Variants in NBPF19 observed in about 807,000 individuals in gnomAD.
The protein encoded by NBPF19 is NBPF member 19, also known as NBPF family member NBPF19.
A neutral mutation model predicts 45.9 loss-of-function variants in NBPF19; 30 were observed. The observed-to-expected ratio is 0.65, with a 90% CI of 0.49 to 0.89. The LOEUF (loss-of-function observed/expected upper bound fraction) is 0.89, where lower values mean the gene tolerates loss of function less well. Ranked by LOEUF, NBPF19 falls within the 40% of genes least tolerant of loss-of-function variation. NBPF19 has a pLI of 0.00. For synonymous variants in NBPF19, 183 were observed against 181.2 expected (o/e 1.01, Z -0.08); for missense variants, 495 against 471.8 (o/e 1.05, Z -0.46).
At position 149,487,879 on chromosome 1, in the gene NBPF19, T is replaced by C. The variant is rs1356173359; in HGVS notation, c.1041-134T>C. The C allele has an allele frequency of 8.0e-5, 57 of 713,672 alleles. 3 individuals are homozygous for C. The Middle Eastern group carries it at 2.3e-3, about 29-fold the overall frequency. The allele number at this position is 713,672 out of a possible 1,614,324, so 44.2% of individuals were successfully genotyped here. A position where few individuals can be genotyped will look rare whatever the true frequency, so the allele number is the denominator to read the frequency against. ...CTAGTCTATCCCAACATAAAGGCAA[T>C]AATTTGTTACCTCACTAATGGATCT... On this transcript the variant is annotated intron_variant, in intron 9 of 93. Coordinates refer to ENST00000651566, the MANE Select transcript of NBPF19 (RefSeq NM_001351365.2).
intron 7 of NBPF19, among the ~76,000 whole-genome samples, chr1:149,484,661 C>T (rs1432322819): frequency 7.0e-6 from 1 of 142,984 alleles, no homozygotes; most frequent in Non-Finnish European, 1.5e-5. Context: ...GTGGGTAATC[C>T]AACCTTTCTC....
rs1261229397 is a variant in NBPF19, at chr1:149,554,597, A to G, written c.11391A>G (p.Ser3797=). 171 of 1,608,180 alleles carry G rather than the reference A, an allele frequency of 1.1e-4. 2 individuals are homozygous for G. The highest frequency in any genetic ancestry group is 2.2e-4 in the Admixed American group (13 of 59,858). Residue 3797 remains serine (S), a synonymous_variant, in exon 94 of 94, where the codon TCA becomes TCG. Coordinates refer to ENST00000651566, the MANE Select transcript of NBPF19 (RefSeq NM_001351365.2). The part of the protein sequence containing the change: ...TPSMYFELPD[S]FQHYRSVFYS... Reference sequence around the variant, plus strand: ...CAATGTACTTTGAACTACCTGACTCATTCCAGCACTACAGAAGTGTGTTTT... The same window carrying G: ...CAATGTACTTTGAACTACCTGACTCGTTCCAGCACTACAGAAGTGTGTTTT...
Position 149,556,036 on chromosome 1 carries a change from A to G in NBPF19, c.*1298A>G, listed in dbSNP as rs1272725825. 6.9e-6 allele frequency: 1 copy of G among 145,214 alleles called. No homozygotes were observed. The highest frequency in any genetic ancestry group is 1.5e-5 in the Non-Finnish European group (1 of 65,890). The allele number at this position is 145,214 out of a possible 1,614,324, so 9.0% of individuals were successfully genotyped here. A position where few individuals can be genotyped will look rare whatever the true frequency, so the allele number is the denominator to read the frequency against. The stretch of plus-strand genomic sequence containing the variant: ...AAGAGTATAAATATCCTGTATTCTA[A>G]TGATCATCCTCTAAACATTTTATCA... On this transcript the variant is annotated 3_prime_UTR_variant, in exon 94 of 94. Transcript: ENST00000651566.
rs1164851412 is a variant in NBPF19 at position 149,554,796 on chromosome 1, A to G, written c.*58A>G. ...TGCAGGCAGGACCTATAGGCACGTGAAGATTTGAATGAAACTACAGTTCCA... is the reference window on the plus strand; with the variant it reads ...TGCAGGCAGGACCTATAGGCACGTGGAGATTTGAATGAAACTACAGTTCCA... On this transcript the variant is annotated 3_prime_UTR_variant, in exon 94 of 94. Coordinates refer to ENST00000651566, the MANE Select transcript of NBPF19 (RefSeq NM_001351365.2). 1.1e-5 allele frequency: 18 copies of G among 1,604,956 alleles called. No homozygotes were observed. In the Admixed American group the frequency reaches 3.0e-4, roughly 27 times the overall value.
Position 149,554,526 on chromosome 1 carries a change from C to G in NBPF19, c.11320C>G (p.Pro3774Ala), listed in dbSNP as rs1394086931. 1.2e-6 allele frequency: 2 copies of G among 1,608,082 alleles called. No individual in the cohort carries two copies. Among genetic ancestry groups the G allele is most frequent in the Non-Finnish European group, 1.7e-6 (2 of 1,176,736 alleles). ...CAGCGTGCTGATGGAAGTGGAAGAG[C>G]CTGAAGTCTTACAGGACTCACTGGA... ...LNSVLMEVEE[P>A]EVLQDSLDGC... The change falls in exon 94 of 94, where the codon CCT (proline) becomes GCT (alanine). Residue 3774 changes from proline to alanine, a missense_variant. Physicochemically the swap from Pro to Ala is conservative, Grantham distance 27. Around this residue, in one of 8 missense-constraint regions of NBPF19, gnomAD observed 248 missense variants for 95.4 expected, o/e 2.60. Transcript: ENST00000651566.
rs1570981567 is a variant in NBPF19, at chr1:149,487,433, T to C, written c.1040+50T>C. Reference sequence around the variant, plus strand: ...TTAATTTGATGTTGACACCTGGAGATGCCAAGTCCAGGGAAAACAGTACAT... The same window carrying C: ...TTAATTTGATGTTGACACCTGGAGACGCCAAGTCCAGGGAAAACAGTACAT... On this transcript the variant is annotated intron_variant, in intron 9 of 93. Coordinates refer to ENST00000651566, the MANE Select transcript of NBPF19 (RefSeq NM_001351365.2). 38 of 974,318 alleles carry C rather than the reference T, an allele frequency of 3.9e-5. 1 individual carries two copies. The East Asian group carries it at 9.0e-4, about 23-fold the overall frequency. 60.4% of individuals were successfully genotyped at this position (974,318 alleles called of 1,614,324 possible). A position where few individuals can be genotyped will look rare whatever the true frequency, so the allele number is the denominator to read the frequency against.
Position 149,515,105 on chromosome 1 carries a change from G to A in NBPF19, c.5320G>A (p.Gly1774Arg). The A allele has an allele frequency of 5.4e-6, 5 of 920,244 alleles. No homozygotes were observed. The highest frequency in any genetic ancestry group is 2.8e-5 in the South Asian group (2 of 72,312). 57.0% of individuals were successfully genotyped at this position (920,244 alleles called of 1,614,324 possible). The change falls in exon 44 of 94, where the codon GGA becomes AGA. Residue 1774 changes from glycine to arginine, a missense_variant. Coordinates refer to ENST00000651566, the MANE Select transcript of NBPF19 (RefSeq NM_001351365.2). Reference sequence around the variant, plus strand: ...ACATGTTGGCTTTTCTCTTGACGTGGGAGGTGAGTACCTTTCTATGAAGGT... The same window carrying A: ...ACATGTTGGCTTTTCTCTTGACGTGAGAGGTGAGTACCTTTCTATGAAGGT... ...EKHVGFSLDV[G>R]EIEKKGKGKK... is the part of the protein sequence containing the mutation.
chr1:149,478,431 A>C (rs1272555570), intron 3 of NBPF19, among the ~76,000 whole-genome samples: 2 of 151,110 alleles, frequency 1.3e-5, no homozygotes, highest in African/African-American at 2.4e-5. Context: ...CACTCAATCA[A>C]TGTTGCCTTC....
intron 3 of NBPF19, among the ~76,000 whole-genome samples, chr1:149,478,284 A>C (rs1365940969): frequency 2.0e-5 from 3 of 151,282 alleles, no homozygotes; most frequent in Non-Finnish European, 4.4e-5. Context: ...TTGAGGTGAA[A>C]TTTACATAAC....
intron 8 of NBPF19, among the ~76,000 whole-genome samples, chr1:149,486,827 G>A (rs1334494496): frequency 6.7e-6 from 1 of 150,278 alleles, no homozygotes; most frequent in Non-Finnish European, 1.5e-5. Context: ...CATGTTCCTG[G>A]TATGTTTTCT....
Position 149,478,112 on chromosome 1 carries a change from C to T in NBPF19, c.278+65C>T, listed in dbSNP as rs1292886555. ...TGTAGATCTCTGAAGTACAGCAGCT[C>T]GGCGGGGAGAAATAAGAACGAAGCT... On this transcript the variant is annotated intron_variant, in intron 3 of 93. Coordinates refer to ENST00000651566, the MANE Select transcript of NBPF19 (RefSeq NM_001351365.2). 154 of 1,131,768 alleles carry T rather than the reference C, an allele frequency of 1.4e-4. 3 individuals carry two copies. Among genetic ancestry groups the T allele is most frequent in the South Asian group, 1.3e-3 (109 of 81,080 alleles). The allele number at this position is 1,131,768 out of a possible 1,614,324, so 70.1% of individuals were successfully genotyped here.
At chr1:149,487,090 C>T (rs2085568772) in intron 8 of NBPF19, among the ~76,000 whole-genome samples, 1 of 150,912 alleles carries the variant, frequency 6.6e-6, no homozygotes, top group African/African-American at 2.4e-5. Flanking sequence ...TGTACATAAA[C>T]CTAGGACAGA....
At chr1:149,487,952 C>T in intron 9 of NBPF19, 61 bp from the exon 10 acceptor site, 2 of 705,278 alleles carry the variant, frequency 2.8e-6, no homozygotes, top group Non-Finnish European at 5.2e-6. Flanking sequence ...TGAAATCTAG[C>T]TGGGGCTGTG....
chr1:149,490,922 G>T (rs1425249107), intron 13 of NBPF19, among the ~76,000 whole-genome samples: 3 of 117,694 alleles, frequency 2.5e-5, no homozygotes, highest in Non-Finnish European at 5.5e-5. Flanking sequence ...GTGTGTGTGC[G>T]TGTGTGTGTG....
chr1:149,554,424 C>G, intron 93 of NBPF19, 71 bp from the exon 94 acceptor site: 2 of 1,607,344 alleles, frequency 1.2e-6, no homozygotes, highest in Non-Finnish European at 8.5e-7. Context: ...TATGTGACTT[C>G]TGAAATCTAG....
intron 3 of NBPF19, among the ~76,000 whole-genome samples, chr1:149,478,441 C>G (rs1570940108): frequency 1.3e-5 from 2 of 151,296 alleles, no homozygotes; most frequent in East Asian, 3.9e-4. Flanking sequence ...ATGTTGCCTT[C>G]TTGACCCTGT....
At chr1:149,528,974 T>C (rs1194157469) in intron 61 of NBPF19, among the ~76,000 whole-genome samples, 200 bp from the exon 62 acceptor site, 91 of 128,898 alleles carry the variant, frequency 7.1e-4, no homozygotes, top group Non-Finnish European at 8.8e-4. Flanking sequence ...TGTGTGTGTG[T>C]GTCTATCTGT....
In NBPF19 at chr1:149,556,095, T is replaced by A. The variant is rs2087243310; in HGVS notation, c.*1357T>A. The stretch of plus-strand genomic sequence containing the variant: ...TCCTCCCTGCCTGTGTCTATTATTA[T>A]ATTCATATCTCTACGCTGCAAAATT... On this transcript the variant is annotated 3_prime_UTR_variant, in exon 94 of 94. Transcript: ENST00000651566. 1 of 147,760 alleles carries A rather than the reference T, an allele frequency of 6.8e-6. No individual in the cohort carries two copies. The highest frequency in any genetic ancestry group is 6.8e-5 in the Admixed American group (1 of 14,620). 9.2% of individuals were successfully genotyped at this position (147,760 alleles called of 1,614,324 possible).
At position 149,497,678 on chromosome 1, in the gene NBPF19, C is replaced by T; in HGVS notation, c.2658C>T (p.Gly886=). The change falls in exon 22 of 94, where the codon GGC becomes GGT. Residue 886 remains glycine (G), a synonymous_variant. Coordinates refer to ENST00000651566, the MANE Select transcript of NBPF19 (RefSeq NM_001351365.2). ...ACATATTGGAGCAACAGTGTGTTGG[C>T]TTGGCTATTGACATGGATGGTGAGT... ...AFYILEQQCV[G]LAIDMDEIEK... is the part of the protein sequence containing the mutation. 2.4e-5 allele frequency: 5 copies of T among 204,976 alleles called. 2 individuals carry two copies. Among genetic ancestry groups the T allele is most frequent in the Non-Finnish European group, 3.1e-5 (5 of 158,954 alleles). The allele number at this position is 204,976 out of a possible 1,614,324, so 12.7% of individuals were successfully genotyped here.
Sources: allele counts gnomAD v4.1 joint callset (sites outside exome capture counted in the v4.1 genomes callset), GRCh38; gene constraint gnomAD v4.1.1; regional missense constraint gnomAD v4.1.1; transcripts MANE v1.5; gene names NCBI Gene and HGNC (gene_info 2026-07-23, HGNC 2026-07-21).